SPIDR: variants seen among roughly 807,000 people sequenced by gnomAD.
SPIDR encodes the protein DNA repair-scaffolding protein.
In SPIDR, 93 loss-of-function variants were observed where a neutral mutation model predicts 104.6. The observed-to-expected ratio is 0.89, with a 90% confidence interval of 0.75 to 1.06. The LOEUF is 1.06. SPIDR is among the 50% of genes least tolerant of loss of function. SPIDR has a pLI of 0.00. For missense variants in SPIDR, 1,154 were observed against 1,111.2 expected (o/e 1.04, Z -0.55); for synonymous variants, 431 against 416.9 (o/e 1.03, Z -0.41).
At chr8:47,500,174 G>T (rs928095893) in intron 8 of SPIDR, among the ~76,000 whole-genome samples, 2 of 152,080 alleles carry the variant, frequency 1.3e-5, no homozygotes, top group Non-Finnish European at 2.9e-5. Flanking sequence ...GGGCTGGCTG[G>T]GTCAAATGGT....
chr8:47,631,022 G>T (rs2066985033), intron 10 of SPIDR, among the ~76,000 whole-genome samples: 1 of 152,194 alleles, frequency 6.6e-6, no homozygotes, highest in African/African-American at 2.4e-5. Context: ...GAGGGAAGAG[G>T]CAGGCAGAGG....
chr8:47,386,245 A>G (rs1053003605), intron 5 of SPIDR, among the ~76,000 whole-genome samples: 4 of 152,148 alleles, frequency 2.6e-5, no homozygotes, highest in African/African-American at 4.8e-5. Context: ...TTTAATAACT[A>G]TAGTTCTACA....
rs1198967860 is a variant in SPIDR, at chr8:47,411,320, C to T, written c.877+3359C>T. On this transcript the variant is annotated intron_variant, in intron 7 of 19. Coordinates refer to ENST00000297423, the MANE Select transcript of SPIDR (RefSeq NM_001080394.4). Reference sequence around the variant, plus strand: ...ATTTCTTCACATCCTCTCCAGCACCCGTTGTTTCCTGACTTTTTAATGATC... The same window carrying T: ...ATTTCTTCACATCCTCTCCAGCACCTGTTGTTTCCTGACTTTTTAATGATC... Among the ~76,000 whole-genome samples the T allele has an allele frequency of 2.4e-3, 370 of 152,264 alleles. 1 individual carries two copies. The highest frequency in any genetic ancestry group is 8.4e-3 in the African/African-American group (351 of 41,542).
chr8:47,418,247 A>G (rs2064735373), intron 7 of SPIDR, among the ~76,000 whole-genome samples: 1 of 152,116 alleles, frequency 6.6e-6, no homozygotes, highest in Non-Finnish European at 1.5e-5. Flanking sequence ...GATTCTTCCT[A>G]TCCATGAGCA....
chr8:47,286,415 AT>A (rs1311937966), intron 3 of SPIDR, among the ~76,000 whole-genome samples: 9 of 152,150 alleles, frequency 5.9e-5, no homozygotes, highest in Non-Finnish European at 1.3e-4. Context: ...CATGGCCAAA[AT>A]TACATATATA....
chr8:47,266,366 G>A (rs996326188), intron 1 of SPIDR, among the ~76,000 whole-genome samples: 5 of 151,968 alleles, frequency 3.3e-5, no homozygotes, highest in Non-Finnish European at 5.9e-5. Context: ...CCTGAGCTCA[G>A]GCAATGCAAT....
chr8:47,445,918 T>C (rs893822934), intron 8 of SPIDR, among the ~76,000 whole-genome samples: 12 of 152,316 alleles, frequency 7.9e-5, no homozygotes, highest in Admixed American at 7.2e-4. Flanking sequence ...AAGAAAAATT[T>C]GAAGCTAGCA....
intron 10 of SPIDR, among the ~76,000 whole-genome samples, chr8:47,613,503 G>A (rs533014177): frequency 6.1e-4 from 93 of 152,312 alleles, no homozygotes; most frequent in African/African-American, 2.2e-3. Context: ...TTCTCTTGGT[G>A]TAGATATGCT....
chr8:47,417,838 A>G (rs1245427898), intron 7 of SPIDR, among the ~76,000 whole-genome samples: 1 of 152,198 alleles, frequency 6.6e-6, no homozygotes, highest in African/African-American at 2.4e-5. Context: ...AGCTTTCTAC[A>G]TATGGCTAGC....
intron 5 of SPIDR, among the ~76,000 whole-genome samples, chr8:47,341,054 T>TG (rs1280777883): frequency 2.6e-5 from 4 of 152,174 alleles, no homozygotes; most frequent in African/African-American, 7.2e-5. Flanking sequence ...CCAGTCAGCT[T>TG]GGGGGGGATG....
chr8:47,322,146 G>T (rs1240806837), intron 5 of SPIDR, among the ~76,000 whole-genome samples: 1 of 152,178 alleles, frequency 6.6e-6, no homozygotes, highest in Non-Finnish European at 1.5e-5. Flanking sequence ...ACTACCATCT[G>T]AGTGAACAGC....
chr8:47,307,821 G>A (rs917718987), intron 5 of SPIDR, among the ~76,000 whole-genome samples: 1 of 152,112 alleles, frequency 6.6e-6, no homozygotes, highest in Admixed American at 6.5e-5. Flanking sequence ...TTACAGTCAT[G>A]AGCCACTGTG....
chr8:47,601,478 G>A (rs918153134), intron 10 of SPIDR, among the ~76,000 whole-genome samples: 5 of 152,134 alleles, frequency 3.3e-5, no homozygotes, highest in South Asian at 2.1e-4. Flanking sequence ...GGCGGATCTC[G>A]AGGTCAGGGG....
At chr8:47,623,553 C>A (rs2065487058) in intron 10 of SPIDR, among the ~76,000 whole-genome samples, 1 of 152,060 alleles carries the variant, frequency 6.6e-6, no homozygotes, top group South Asian at 2.1e-4. Flanking sequence ...ATCTACCAAG[C>A]AAATGGAAAA....
chr8:47,396,028 A>G (rs901029485), intron 5 of SPIDR, among the ~76,000 whole-genome samples: 4 of 152,232 alleles, frequency 2.6e-5, no homozygotes, highest in Non-Finnish European at 2.9e-5. Context: ...GATTGTAGTG[A>G]CGATCATCAG....
intron 5 of SPIDR, chr8:47,294,304 A>G: frequency 3.1e-6 from 1 of 323,266 alleles, no homozygotes; most frequent in Non-Finnish European, 5.6e-6. Context: ...CAGTGCAGAT[A>G]TATCAAAGTG....
chr8:47,462,557 C>T (rs1448161903), intron 8 of SPIDR, among the ~76,000 whole-genome samples: 13 of 152,032 alleles, frequency 8.6e-5, no homozygotes, highest in African/African-American at 1.7e-4. Flanking sequence ...CTAAAACTTA[C>T]GGGATGACAT....
chr8:47,346,212 T>A (rs567347432), intron 5 of SPIDR, among the ~76,000 whole-genome samples: 1 of 152,228 alleles, frequency 6.6e-6, no homozygotes, highest in African/African-American at 2.4e-5. Flanking sequence ...TCTGCATCTA[T>A]TGAGATAATC....
At chr8:47,556,449 A>C (rs922402506) in intron 8 of SPIDR, among the ~76,000 whole-genome samples, 1 of 152,210 alleles carries the variant, frequency 6.6e-6, no homozygotes. Flanking sequence ...ACTTGGGCTT[A>C]CTTGAGGAAT....
Sources: allele counts gnomAD v4.1 joint callset (sites outside exome capture counted in the v4.1 genomes callset), GRCh38; gene constraint gnomAD v4.1.1; transcripts MANE v1.5; gene names NCBI Gene and HGNC (gene_info 2026-07-23, HGNC 2026-07-21).